The following SFXN3 variants were observed in gnomAD, a reference collection of about 807,000 sequenced individuals.
SFXN3 encodes the protein sideroflexin-3.
In SFXN3, 31 loss-of-function variants were observed where a neutral mutation model predicts 40.4. That is an observed-to-expected ratio of 0.77 (90% CI 0.58 to 1.04). The LOEUF is 1.04. Among genes scored for constraint, SFXN3 ranks in the 50% least tolerant of loss-of-function variants. SFXN3 has a pLI of 0.00. For missense variants in SFXN3, 366 were observed against 408.2 expected, an observed-to-expected ratio of 0.90 and a Z score of 0.89; for synonymous variants, 157 against 160.0, an observed-to-expected ratio of 0.98 and a Z score of 0.14.
intron 4 of SFXN3, 132 bp downstream of exon 4, chr10:101,035,799 G>A: frequency 3.8e-6 from 5 of 1,313,278 alleles, no homozygotes; most frequent in East Asian, 5.0e-5. Context: ...TCAGAATTCA[G>A]CCTCAGGAGG....
At position 101,032,517 on chromosome 10, in the gene SFXN3, G is replaced by A. The variant is rs758574881; in HGVS notation, c.-4+35G>A. On this transcript the variant is annotated intron_variant, in intron 2 of 11. Coordinates refer to ENST00000393459, the Ensembl canonical transcript of SFXN3. The stretch of plus-strand genomic sequence containing the variant: ...CGCTCTCCCCGGCGGGCGGGGTTCT[G>A]GAATGGGGGTCAGAGAAGGAGGCCT... 5.2e-6 allele frequency: 8 copies of A among 1,524,624 alleles called. No individual in the cohort carries two copies. The South Asian group carries it at 8.7e-5, about 17-fold the overall frequency. The allele number at this position is 1,524,624 out of a possible 1,614,324, so 94.4% of individuals were successfully genotyped here.
chr10:101,037,790 A>G, intron 9 of SFXN3: 1 of 1,177,430 alleles, frequency 8.5e-7, no homozygotes, highest in Non-Finnish European at 1.1e-6. Flanking sequence ...ACACACAGAC[A>G]TGAACAGGAC....
chr10:101,031,551 T>G lies in SFXN3; in HGVS notation c.-173+17T>G, dbSNP rs1477495178. 1 of 151,912 alleles carries G rather than the reference T, an allele frequency of 6.6e-6. No homozygotes were observed. Among genetic ancestry groups the G allele is most frequent in the African/African-American group, 2.4e-5 (1 of 41,120 alleles). 9.4% of individuals were successfully genotyped at this position (151,912 alleles called of 1,614,324 possible). A position where few individuals can be genotyped will look rare whatever the true frequency, so the allele number is the denominator to read the frequency against. ...GGTGGCTGGGTGAGTTGTGAGTATG[T>G]GCGTGGCGGAGGGGGTGCCTTCTTC... On this transcript the variant is annotated intron_variant, in intron 1 of 11. Coordinates refer to ENST00000393459, the Ensembl canonical transcript of SFXN3.
Position 101,039,499 on chromosome 10 carries a change from A to G in SFXN3, c.880A>G (p.Ile294Val), listed in dbSNP as rs550447330. 16 of 1,614,084 alleles carry G rather than the reference A, an allele frequency of 9.9e-6. No individual in the cohort carries two copies. The highest frequency in any genetic ancestry group is 1.2e-5 in the Non-Finnish European group (14 of 1,179,952). ...GCTGTTCTATTGCAGCTCCATACAC[A>G]TAAGCAACCTGGAACCAGAGCTGAG... The change falls in exon 12 of 12, where the codon ATA becomes GTA. Residue 294 changes from isoleucine to valine, a missense_variant. Transcript: ENST00000393459. The surrounding 1 kb of genome is among the most constrained non-coding windows in gnomAD (Gnocchi z 4.6).
Position 101,038,645 on chromosome 10 carries a change from C to CCGCCCCTGGCTGGGGG in SFXN3, c.776_791dup (p.Gln267AlafsTer46). 6.2e-7 allele frequency: 1 copy of CCGCCCCTGGCTGGGGG among 1,613,750 alleles called. No homozygotes were observed. Among genetic ancestry groups the CCGCCCCTGGCTGGGGG allele is most frequent in the South Asian group, 1.1e-5 (1 of 91,082 alleles). On this transcript the variant is annotated frameshift_variant, in exon 10 of 12. Coordinates refer to ENST00000393459, the Ensembl canonical transcript of SFXN3. LOFTEE classifies it high-confidence loss of function. ...ATTGTCTTTCTGTCTCTCCACAGCG[C>CCGCCCCTGGCTGGGGG]CGCCCCTGGCTGGGGGCACCCCTGC... is the stretch of plus-strand genomic sequence containing the variant.
At position 101,036,343 on chromosome 10, in the gene SFXN3, C is replaced by T. The variant is rs1161550044; in HGVS notation, c.432-143C>T. 10 of 843,002 alleles carry T rather than the reference C, an allele frequency of 1.2e-5. No homozygotes were observed. The highest frequency in any genetic ancestry group is 8.0e-5 in the East Asian group (3 of 37,590). 52.2% of individuals were successfully genotyped at this position (843,002 alleles called of 1,614,324 possible). ...CTACTGGGGCTTCTAGACAAGTTTA[C>T]GCCGGAGATGGAGGGAAGGCTTCTT... is the stretch of plus-strand genomic sequence containing the variant. On this transcript the variant is annotated intron_variant, in intron 5 of 11. Coordinates refer to ENST00000393459, the Ensembl canonical transcript of SFXN3. This position sits in a 1 kb window ranked among gnomAD's most constrained non-coding sequence, Gnocchi z 4.2.
At chr10:101,038,469 T>G in intron 9 of SFXN3, 174 bp from the exon 10 acceptor site, 1 of 1,468,390 alleles carries the variant, frequency 6.8e-7, no homozygotes, top group Non-Finnish European at 9.0e-7. Context: ...CTGGCTGGAG[T>G]GGAAGGGCGT....
At position 101,037,060 on chromosome 10, in the gene SFXN3, C is replaced by G. The variant is rs746578576; in HGVS notation, c.594-16C>G. The G allele has an allele frequency of 6.2e-7, 1 of 1,612,822 alleles. No individual in the cohort carries two copies. Among genetic ancestry groups the G allele is most frequent in the East Asian group, 2.2e-5 (1 of 44,864 alleles). On this transcript the variant is annotated splice_polypyrimidine_tract_variant and intron_variant, in intron 7 of 11. Transcript: ENST00000393459. ...TCCGGGGCCTGTGATCTGACCCCAA[C>G]CCCCCTCCCTTGCAGAGAGCTGCAG...
At chr10:101,032,402 G>T (rs888876400) in exon 2 of SFXN3, 6 of 1,458,892 alleles carry the variant, frequency 4.1e-6, no homozygotes, top group Middle Eastern at 1.8e-4. Flanking sequence ...GACGTCCCGC[G>T]TGATGGCTGG....
chr10:101,036,589 C>G lies in SFXN3; in HGVS notation c.507+28C>G. 1 of 1,613,792 alleles carries G rather than the reference C, an allele frequency of 6.2e-7. No homozygotes were observed. The highest frequency in any genetic ancestry group is 1.7e-5 in the Admixed American group (1 of 60,004). On this transcript the variant is annotated intron_variant, in intron 6 of 11. Coordinates refer to ENST00000393459, the Ensembl canonical transcript of SFXN3. The surrounding 1 kb of genome is among the most constrained non-coding windows in gnomAD (Gnocchi z 4.2). ...AAAGGCCCCTCACTCCCCTGACCAC[C>G]CCATTCATCCTCTATCTGCCTCCTT...
Position 101,037,108 on chromosome 10 carries a change from AG to A in SFXN3, c.628del (p.Ala210GlnfsTer9), listed in dbSNP as rs563028036. ...CAGGTGGGCATCCCGGTGGCTGATG[AG>A]GCAGGTCAGAGGCTTGGCTACTCGG... On this transcript the variant is annotated frameshift_variant, in exon 8 of 12. Coordinates refer to ENST00000393459, the Ensembl canonical transcript of SFXN3. LOFTEE classifies it high-confidence loss of function. 6,094 of 1,613,956 alleles carry A rather than the reference AG, an allele frequency of 3.8e-3. 16 individuals carry two copies. Among genetic ancestry groups the A allele is most frequent in the Non-Finnish European group, 4.7e-3 (5,593 of 1,180,000 alleles).
chr10:101,038,685 G>A (rs1938743357), exon 10 of SFXN3: 2 of 1,611,558 alleles, frequency 1.2e-6, no homozygotes, highest in Non-Finnish European at 1.7e-6. Flanking sequence ...GGGACTGGTG[G>A]GCTTCTGGTA....
chr10:101,036,960 A>T lies in SFXN3; in HGVS notation c.594-116A>T. 2 of 1,527,212 alleles carry T rather than the reference A, an allele frequency of 1.3e-6. No individual in the cohort carries two copies. The highest frequency in any genetic ancestry group is 2.0e-5 in the Admixed American group (1 of 49,214). The allele number at this position is 1,527,212 out of a possible 1,614,324, so 94.6% of individuals were successfully genotyped here. ...TCTGACCCTGGGATCCTCAGGTGGG[A>T]GAACCAGCCTTTGAGCCTGGGGTGT... On this transcript the variant is annotated intron_variant, in intron 7 of 11. Transcript: ENST00000393459. The surrounding 1 kb of genome is among the most constrained non-coding windows in gnomAD (Gnocchi z 4.2).
At chr10:101,037,744 G>A in intron 9 of SFXN3, 1 of 1,313,226 alleles carries the variant, frequency 7.6e-7, no homozygotes, top group Non-Finnish European at 9.8e-7. Context: ...ACCCCCTAGT[G>A]CCTCCATACT....
intron 4 of SFXN3, 47 bp from the exon 5 acceptor site, chr10:101,035,956 G>C: frequency 1.3e-6 from 2 of 1,523,546 alleles, no homozygotes; most frequent in African/African-American, 2.7e-5. Flanking sequence ...GTCTAAAGAT[G>C]AGGGCCACTG....
chr10:101,032,521 T>C, intron 2 of SFXN3, 39 bp downstream of exon 2: 1 of 1,521,002 alleles, frequency 6.6e-7, no homozygotes, highest in South Asian at 1.2e-5. Context: ...GGTTCTGGAA[T>C]GGGGGTCAGA....
In SFXN3 at chr10:101,039,833, A is replaced by G; in HGVS notation, c.*248A>G. 1.8e-6 allele frequency: 1 copy of G among 545,910 alleles called. No homozygotes were observed. The highest frequency in any genetic ancestry group is 3.3e-6 in the Non-Finnish European group (1 of 302,500). 33.8% of individuals were successfully genotyped at this position (545,910 alleles called of 1,614,324 possible). A position where few individuals can be genotyped will look rare whatever the true frequency, so the allele number is the denominator to read the frequency against. ...GAGTGTCCATGCATATACATACATGATACACATGTGTATGTGTACATTGGG... is the reference window on the plus strand; with the variant it reads ...GAGTGTCCATGCATATACATACATGGTACACATGTGTATGTGTACATTGGG... On this transcript the variant is annotated 3_prime_UTR_variant, in exon 12 of 12. Coordinates refer to ENST00000393459, the Ensembl canonical transcript of SFXN3. The surrounding 1 kb of genome is among the most constrained non-coding windows in gnomAD (Gnocchi z 4.6).
intron 2 of SFXN3, among the ~76,000 whole-genome samples, chr10:101,033,116 C>T (rs1024306968): frequency 6.6e-6 from 1 of 152,122 alleles, no homozygotes; most frequent in Non-Finnish European, 1.5e-5. Flanking sequence ...ATCAGAGTCC[C>T]CTGATTGAGA....
At chr10:101,038,888 G>A (rs533018756) in intron 10 of SFXN3, among the ~76,000 whole-genome samples, 196 bp downstream of exon 10, 5 of 152,156 alleles carry the variant, frequency 3.3e-5, no homozygotes, top group Non-Finnish European at 7.4e-5. Flanking sequence ...AGATCCTAGT[G>A]AGGGGGTTCC....
Sources: gnomAD v4.1 joint callset for allele counts (sites outside exome capture counted in the v4.1 genomes callset) on GRCh38, gnomAD v4.1.1 for gene constraint, Gnocchi (gnomAD v3.1) non-coding constraint, MANE v1.5 for transcripts, NCBI Gene and HGNC (gene_info 2026-07-23, HGNC 2026-07-21) for gene names.